Variants in ITGBL1 observed in about 807,000 individuals in gnomAD.
ITGBL1 encodes the protein integrin beta-like protein 1.
A neutral mutation model predicts 68.5 loss-of-function variants in ITGBL1; 51 were observed. That is an observed-to-expected ratio of 0.74 (90% CI 0.59 to 0.94). ITGBL1 has a LOEUF of 0.94. Ranked by LOEUF, ITGBL1 falls within the 40% of genes least tolerant of loss-of-function variation. The pLI is 0.00. For synonymous variants in ITGBL1, 209 were observed against 227.3 expected, an observed-to-expected ratio of 0.92 and a Z score of 0.72; for missense variants, 649 against 647.4, an observed-to-expected ratio of 1.00 and a Z score of -0.03.
At chr13:101,576,644 G>A (rs116290399) in intron 4 of ITGBL1, among the ~76,000 whole-genome samples, 138 of 152,252 alleles carry the variant, frequency 9.1e-4, no homozygotes, top group African/African-American at 3.2e-3. Flanking sequence ...ACTGTGGCTA[G>A]CATAGGACAA....
In ITGBL1 at chr13:101,560,422, A is replaced by T. The variant is rs959319440; in HGVS notation, c.317-7277A>T. Among the ~76,000 whole-genome samples the T allele has an allele frequency of 3.3e-5, 5 of 152,294 alleles. No homozygotes were observed. In the East Asian group the frequency reaches 9.7e-4, roughly 29 times the overall value. ...TATCATGAGGCTGTAGCAGTGGTACACCTAGCTTATCAGATGCACAGAGAG... is the reference window on the plus strand; with the variant it reads ...TATCATGAGGCTGTAGCAGTGGTACTCCTAGCTTATCAGATGCACAGAGAG... On this transcript the variant is annotated intron_variant, in intron 2 of 10. Coordinates refer to ENST00000376180, the MANE Select transcript of ITGBL1 (RefSeq NM_004791.3).
intron 7 of ITGBL1, among the ~76,000 whole-genome samples, chr13:101,638,222 G>A (rs2032240135): frequency 6.6e-6 from 1 of 152,086 alleles, no homozygotes; most frequent in Non-Finnish European, 1.5e-5. Context: ...GAAATGAAAG[G>A]TAATTAATGC....
chr13:101,566,442 G>C (rs1288030681), intron 2 of ITGBL1, among the ~76,000 whole-genome samples: 3 of 152,126 alleles, frequency 2.0e-5, no homozygotes, highest in Non-Finnish European at 4.4e-5. Flanking sequence ...GGAGTAATGT[G>C]TGCTGAATAG....
At chr13:101,715,327 G>T (rs2034668917) in intron 10 of ITGBL1, 1 of 484,718 alleles carries the variant, frequency 2.1e-6, no homozygotes, top group African/African-American at 2.0e-5. Context: ...AGTGATACAG[G>T]ATGGTGACTA....
intron 7 of ITGBL1, among the ~76,000 whole-genome samples, chr13:101,629,509 T>G (rs1048871589): frequency 1.3e-5 from 2 of 152,164 alleles, no homozygotes; most frequent in African/African-American, 4.8e-5. Context: ...GTATTCATTT[T>G]ATATCAAGGT....
chr13:101,535,791 T>C (rs529227778), intron 2 of ITGBL1, among the ~76,000 whole-genome samples: 1 of 152,130 alleles, frequency 6.6e-6, no homozygotes, highest in Non-Finnish European at 1.5e-5. Flanking sequence ...AAAAAATTTT[T>C]CCTTGCAAAA....
intron 2 of ITGBL1, among the ~76,000 whole-genome samples, chr13:101,523,807 G>A (rs927334235): frequency 6.6e-6 from 1 of 152,164 alleles, no homozygotes; most frequent in African/African-American, 2.4e-5. Flanking sequence ...CCTCAGTTTT[G>A]TCCCAGAAGT....
intron 2 of ITGBL1, among the ~76,000 whole-genome samples, chr13:101,531,386 A>T (rs1417390007): frequency 6.6e-6 from 1 of 152,110 alleles, no homozygotes; most frequent in Non-Finnish European, 1.5e-5. Context: ...TCACTTATTC[A>T]GTTCTTAAAT....
chr13:101,715,367 A>G (rs1319825084), intron 10 of ITGBL1, 196 bp from the exon 11 acceptor site: 6 of 569,536 alleles, frequency 1.1e-5, no homozygotes, highest in African/African-American at 3.8e-5. Flanking sequence ...CACCAAATAA[A>G]TGCCACTAAT....
At chr13:101,682,091 T>G (rs1037167120) in intron 7 of ITGBL1, among the ~76,000 whole-genome samples, 6 of 152,086 alleles carry the variant, frequency 3.9e-5, no homozygotes, top group Non-Finnish European at 8.8e-5. Context: ...AGACAGACAA[T>G]AGTTAAATAA....
At chr13:101,599,605 A>C (rs1479271203) in intron 7 of ITGBL1, among the ~76,000 whole-genome samples, 1 of 152,164 alleles carries the variant, frequency 6.6e-6, no homozygotes, top group African/African-American at 2.4e-5. Context: ...TCTTGAATTA[A>C]TTTTTGTATA....
chr13:101,557,283 G>A (rs747116839), intron 2 of ITGBL1, among the ~76,000 whole-genome samples: 5 of 152,172 alleles, frequency 3.3e-5, no homozygotes, highest in Non-Finnish European at 7.3e-5. Context: ...TCATTACACA[G>A]TGCTTTTACT....
intron 2 of ITGBL1, among the ~76,000 whole-genome samples, chr13:101,498,453 G>A (rs1477513817): frequency 1.3e-5 from 2 of 152,104 alleles, no homozygotes; most frequent in African/African-American, 2.4e-5. Flanking sequence ...ATTTAAGTTA[G>A]TACCTGTGAT....
intron 9 of ITGBL1, 110 bp downstream of exon 9, chr13:101,707,012 A>G (rs940402922): frequency 2.1e-5 from 24 of 1,138,238 alleles, no homozygotes; most frequent in Non-Finnish European, 1.3e-6. Context: ...AAAGCAAACC[A>G]CTATGTCCTC....
chr13:101,593,310 CTG>C (rs990511897), intron 6 of ITGBL1, among the ~76,000 whole-genome samples: 3 of 152,012 alleles, frequency 2.0e-5, no homozygotes, highest in Admixed American at 6.6e-5. Context: ...CACTGACACA[CTG>C]TGGGTGAAAA....
chr13:101,698,346 C>A (rs1005579192), intron 8 of ITGBL1, among the ~76,000 whole-genome samples: 26 of 152,146 alleles, frequency 1.7e-4, no homozygotes, highest in African/African-American at 4.6e-4. Flanking sequence ...GTGTTTATCC[C>A]CTTTCCTACC....
chr13:101,649,439 A>G (rs935175317), intron 7 of ITGBL1, among the ~76,000 whole-genome samples: 1 of 152,332 alleles, frequency 6.6e-6, no homozygotes, highest in East Asian at 1.9e-4. Flanking sequence ...AGGTCAATGT[A>G]AGAAGGGTTC....
intron 2 of ITGBL1, among the ~76,000 whole-genome samples, chr13:101,486,634 A>G (rs2048706539): frequency 6.6e-6 from 1 of 152,236 alleles, no homozygotes; most frequent in African/African-American, 2.4e-5. Flanking sequence ...AAATAATGCA[A>G]ATCCACAATG....
chr13:101,672,179 A>T (rs1337142354), intron 7 of ITGBL1, among the ~76,000 whole-genome samples: 2 of 152,186 alleles, frequency 1.3e-5, no homozygotes, highest in Admixed American at 1.3e-4. Flanking sequence ...TAGAGAGAAA[A>T]ATTATGTTTC....
Sources: allele counts gnomAD v4.1 joint callset (sites outside exome capture counted in the v4.1 genomes callset), GRCh38; gene constraint gnomAD v4.1.1; transcripts MANE v1.5; gene names NCBI Gene and HGNC (gene_info 2026-07-23, HGNC 2026-07-21).